The following AGAP1 variants were observed in gnomAD, a reference collection of about 807,000 sequenced individuals.
The protein encoded by AGAP1 is ArfGAP with GTPase domain, ankyrin repeat and PH domain 1.
Under a neutral mutation model 105.3 loss-of-function variants are expected in AGAP1, and 29 were observed. The ratio of observed to expected loss-of-function variants is 0.28; its 90% CI spans 0.21 to 0.38. The LOEUF (loss-of-function observed/expected upper bound fraction) is 0.38, where lower values mean the gene tolerates loss of function less well. Ranked by LOEUF, AGAP1 falls within the 10% of genes least tolerant of loss-of-function variation. The probability of loss-of-function intolerance (pLI) is 1.00; values close to 1 mark genes in which losing one functional copy is unlikely to be tolerated. For synonymous variants in AGAP1, 509 were observed against 485.9 expected, an observed-to-expected ratio of 1.05 and a Z score of -0.63; for missense variants, 998 against 1,165.1, an observed-to-expected ratio of 0.86 and a Z score of 2.09.
rs575087178 is a variant in AGAP1, at chr2:235,697,298, C to T, written c.164-11881C>T. Among the ~76,000 whole-genome samples, 513 of 152,346 alleles carry T rather than the reference C, an allele frequency of 3.4e-3. 2 individuals are homozygous for T. The highest frequency in any genetic ancestry group is 0.011 in the African/African-American group (474 of 41,576). On this transcript the variant is annotated intron_variant, in intron 1 of 17. Transcript: ENST00000304032. ...GTTCCATGTAGAGCATGGATTTGAA[C>T]CAGCATTGCCGCATCGGGATGGGGA...
intron 9 of AGAP1, among the ~76,000 whole-genome samples, chr2:235,869,551 A>AGTG (rs1477198608): frequency 6.6e-6 from 1 of 151,998 alleles, no homozygotes; most frequent in Non-Finnish European, 1.5e-5. Flanking sequence ...CAGTGAGCCA[A>AGTG]GATCGCGCCA....
At position 236,045,714 on chromosome 2, in the gene AGAP1, A is replaced by G. The variant is rs143260647; in HGVS notation, c.1892-3345A>G. ...AGCCACAGGCCGAGGTTCTCCACCC[A>G]GGCCGAGACACAGCGAAGTGTCCCA... On this transcript the variant is annotated intron_variant, in intron 15 of 17. Coordinates refer to ENST00000304032, the MANE Select transcript of AGAP1 (RefSeq NM_001037131.3). The surrounding 1 kb of genome is among the most constrained non-coding windows in gnomAD (Gnocchi z 6.9). Among the ~76,000 whole-genome samples, 122 of 152,380 alleles carry G rather than the reference A, an allele frequency of 8.0e-4. No individual in the cohort carries two copies. The highest frequency in any genetic ancestry group is 2.8e-3 in the African/African-American group (117 of 41,602).
chr2:235,942,493 C>T (rs908251643), intron 12 of AGAP1, among the ~76,000 whole-genome samples: 1 of 152,008 alleles, frequency 6.6e-6, no homozygotes, highest in African/African-American at 2.4e-5. Flanking sequence ...GCCTGACCAA[C>T]ATGGAGATAC....
intron 9 of AGAP1, among the ~76,000 whole-genome samples, chr2:235,814,948 G>A (rs1473627012): frequency 6.6e-6 from 1 of 152,068 alleles, no homozygotes; most frequent in Non-Finnish European, 1.5e-5. Context: ...CGCACGGAGT[G>A]GATCTCCCTC....
In AGAP1 at chr2:235,958,958, G is replaced by T. The variant is rs948507219; in HGVS notation, c.1484-9504G>T. 6.6e-6 allele frequency among the ~76,000 whole-genome samples: 1 copy of T among 152,230 alleles called. No homozygotes were observed. The highest frequency in any genetic ancestry group is 1.5e-5 in the Non-Finnish European group (1 of 68,040). On this transcript the variant is annotated intron_variant, in intron 12 of 17. Transcript: ENST00000304032. The surrounding 1 kb of genome is among the most constrained non-coding windows in gnomAD (Gnocchi z 4.1). ...GTATTATATATTTTTTGGGGTGTGC[G>T]TTGAACATTGATGCCCGATTGGGAA...
chr2:235,788,133 T>G lies in AGAP1; in HGVS notation c.674-9626T>G, dbSNP rs373861113. Among the ~76,000 whole-genome samples the G allele has an allele frequency of 1.4e-3, 212 of 151,760 alleles. No individual in the cohort carries two copies. Among genetic ancestry groups the G allele is most frequent in the African/African-American group, 4.7e-3 (195 of 41,318 alleles). ...GGACTTACTTGAGTAGGGCAGGAGG[T>G]TTTGAAAGGACATGATCATACACAG... On this transcript the variant is annotated intron_variant, in intron 6 of 17. Transcript: ENST00000304032. The surrounding 1 kb of genome is among the most constrained non-coding windows in gnomAD (Gnocchi z 6.0).
rs1951801167 is a variant in AGAP1, at chr2:235,729,028, G to A, written c.310+11384G>A. ...GAGAGAGGAGAAGTGGGGTTGGCCA[G>A]GCAGAGGCATGATAAGAGTCAGAGT... On this transcript the variant is annotated intron_variant, in intron 3 of 17. Coordinates refer to ENST00000304032, the MANE Select transcript of AGAP1 (RefSeq NM_001037131.3). This position sits in a 1 kb window ranked among gnomAD's most constrained non-coding sequence, Gnocchi z 5.0. Among the ~76,000 whole-genome samples the A allele has an allele frequency of 6.6e-6, 1 of 151,984 alleles. No individual in the cohort carries two copies. The highest frequency in any genetic ancestry group is 2.4e-5 in the African/African-American group (1 of 41,242).
intron 6 of AGAP1, among the ~76,000 whole-genome samples, chr2:235,763,035 G>GGTGTGTGTGTGTGTGTGTGTGTGT (rs145122803): frequency 7.9e-5 from 11 of 140,074 alleles, no homozygotes; most frequent in African/African-American, 2.8e-4. Context: ...TTAAGGCTCG[G>GGTGTGTGTGTGTGTGTGTGTGTGT]GTGTGTGTGT....
intron 12 of AGAP1, among the ~76,000 whole-genome samples, chr2:235,938,219 TGAG>T (rs1178972102): frequency 6.6e-6 from 1 of 152,166 alleles, no homozygotes; most frequent in African/African-American, 2.4e-5. Context: ...CTGCTTCAGA[TGAG>T]GAGATGAGTG....
chr2:235,855,363 A>C lies in AGAP1; in HGVS notation c.1051-27982A>C, dbSNP rs1313279047. Among the ~76,000 whole-genome samples the C allele has an allele frequency of 6.6e-6, 1 of 152,240 alleles. No individual in the cohort carries two copies. Among genetic ancestry groups the C allele is most frequent in the African/African-American group, 2.4e-5 (1 of 41,464 alleles). ...CATCAGTAGATTTATTCAAAGCTAA[A>C]AGTCAACTGAAATTCTAAGCTCTCT... On this transcript the variant is annotated intron_variant, in intron 9 of 17. Coordinates refer to ENST00000304032, the MANE Select transcript of AGAP1 (RefSeq NM_001037131.3). The surrounding 1 kb of genome is among the most constrained non-coding windows in gnomAD (Gnocchi z 5.0).
At position 235,551,128 on chromosome 2, in the gene AGAP1, C is replaced by T. The variant is rs1574830326; in HGVS notation, c.163+56279C>T. On this transcript the variant is annotated intron_variant, in intron 1 of 17. Transcript: ENST00000304032. This position sits in a 1 kb window ranked among gnomAD's most constrained non-coding sequence, Gnocchi z 4.8. The stretch of plus-strand genomic sequence containing the variant: ...CTTCTGAGGAAGAGAAGTGGGGGGT[C>T]GGGGGCATCCCACCTCCCTGGCCAC... Among the ~76,000 whole-genome samples, 2 of 152,152 alleles carry T rather than the reference C, an allele frequency of 1.3e-5. No individual in the cohort carries two copies. The highest frequency in any genetic ancestry group is 1.9e-4 in the East Asian group (1 of 5,138).
rs900848527 is a variant in AGAP1 at position 235,712,032 on chromosome 2, CTTT to C, written c.222+2803_222+2805del. 2.0e-5 allele frequency among the ~76,000 whole-genome samples: 3 copies of C among 149,124 alleles called. No homozygotes were observed. The highest frequency in any genetic ancestry group is 7.4e-5 in the African/African-American group (3 of 40,694). ...GCCTTATGTTTTATTTTCTTTCTTT[CTTT>C]TTTTTTTGTTACGGGGTCTCACTCT... is the stretch of plus-strand genomic sequence containing the variant. On this transcript the variant is annotated intron_variant, in intron 2 of 17. Transcript: ENST00000304032. This position sits in a 1 kb window ranked among gnomAD's most constrained non-coding sequence, Gnocchi z 6.0.
intron 6 of AGAP1, among the ~76,000 whole-genome samples, chr2:235,795,799 A>C (rs910549022): frequency 1.3e-5 from 2 of 152,246 alleles, no homozygotes; most frequent in Non-Finnish European, 2.9e-5. Flanking sequence ...CTAAATACTC[A>C]TACTTTGTAC....
chr2:235,851,405 C>T (rs142663806), intron 9 of AGAP1, among the ~76,000 whole-genome samples: 121 of 152,332 alleles, frequency 7.9e-4, no homozygotes, highest in Non-Finnish European at 1.2e-3. Context: ...CCCAGGTGTC[C>T]GCATGTCACC....
chr2:235,779,283 T>G (rs1185349470), intron 6 of AGAP1, among the ~76,000 whole-genome samples: 1 of 152,194 alleles, frequency 6.6e-6, no homozygotes, highest in Non-Finnish European at 1.5e-5. Flanking sequence ...CAAGATACAA[T>G]TCACACAGTC....
intron 1 of AGAP1, among the ~76,000 whole-genome samples, chr2:235,658,003 G>C (rs1947829703): frequency 6.6e-6 from 1 of 152,100 alleles, no homozygotes; most frequent in Admixed American, 6.5e-5. Context: ...TGCTGATCTC[G>C]GCCTTCTAGG....
rs2059436708 is a variant in AGAP1 at position 236,104,522 on chromosome 2, C to G, written c.2115-15670C>G. ...CTTGGGGGCACAGGGCTGTGAGGGT[C>G]AGGACCACCATCAGAATCCCTTACA... On this transcript the variant is annotated intron_variant, in intron 16 of 17. Transcript: ENST00000304032. This position sits in a 1 kb window ranked among gnomAD's most constrained non-coding sequence, Gnocchi z 4.7. 6.6e-6 allele frequency among the ~76,000 whole-genome samples: 1 copy of G among 152,258 alleles called. No individual in the cohort carries two copies. Among genetic ancestry groups the G allele is most frequent in the Non-Finnish European group, 1.5e-5 (1 of 68,048 alleles).
At position 235,976,146 on chromosome 2, in the gene AGAP1, C is replaced by T. The variant is rs2054848871; in HGVS notation, c.1645+7523C>T. Among the ~76,000 whole-genome samples the T allele has an allele frequency of 6.6e-6, 1 of 152,138 alleles. No homozygotes were observed. Among genetic ancestry groups the T allele is most frequent in the South Asian group, 2.1e-4 (1 of 4,830 alleles). Reference sequence around the variant, plus strand: ...CAGGAGACTGGCTGGGTTTCATCACCCTTGGGCTGTCAGTGATGGGAGCCA... The same window carrying T: ...CAGGAGACTGGCTGGGTTTCATCACTCTTGGGCTGTCAGTGATGGGAGCCA... On this transcript the variant is annotated intron_variant, in intron 13 of 17. Coordinates refer to ENST00000304032, the MANE Select transcript of AGAP1 (RefSeq NM_001037131.3). The surrounding 1 kb of genome is among the most constrained non-coding windows in gnomAD (Gnocchi z 4.5).
chr2:235,515,254 G>T (rs566239196), intron 1 of AGAP1, among the ~76,000 whole-genome samples: 1 of 152,100 alleles, frequency 6.6e-6, no homozygotes, highest in African/African-American at 2.4e-5. Context: ...GCATAGAGGC[G>T]TTGGGATGGA....
Sources: gnomAD v4.1 joint callset for allele counts (sites outside exome capture counted in the v4.1 genomes callset) on GRCh38, gnomAD v4.1.1 for gene constraint, Gnocchi (gnomAD v3.1) non-coding constraint, MANE v1.5 for transcripts, NCBI Gene and HGNC (gene_info 2026-07-23, HGNC 2026-07-21) for gene names.